The following CNTNAP5 variants were observed in gnomAD, a reference collection of about 807,000 sequenced individuals.
The protein encoded by CNTNAP5 is contactin-associated protein-like 5.
Under a neutral mutation model 150.2 loss-of-function variants are expected in CNTNAP5, and 72 were observed. That is an observed-to-expected ratio of 0.48 (90% CI 0.40 to 0.58). CNTNAP5 has a LOEUF of 0.58. Among genes scored for constraint, CNTNAP5 ranks in the 20% least tolerant of loss-of-function variants. The pLI, the probability that CNTNAP5 is intolerant of heterozygous loss-of-function variation, is 0.00. For missense variants in CNTNAP5, 1,636 were observed against 1,626.2 expected (o/e 1.01, Z -0.10); for synonymous variants, 672 against 619.8 (o/e 1.08, Z -1.25).
chr2:124,394,733 T>C (rs1286996326), intron 3 of CNTNAP5, among the ~76,000 whole-genome samples: 2 of 152,116 alleles, frequency 1.3e-5, no homozygotes, highest in Non-Finnish European at 2.9e-5. Context: ...AGAGGTAGAG[T>C]AGCTTGCCCA....
intron 12 of CNTNAP5, among the ~76,000 whole-genome samples, chr2:124,621,334 T>C (rs569013597): frequency 1.3e-5 from 2 of 152,320 alleles, no homozygotes; most frequent in South Asian, 4.1e-4. Context: ...CATCAGGCAT[T>C]ACAAGGAATT....
intron 18 of CNTNAP5, 122 bp downstream of exon 18, chr2:124,790,263 A>G: frequency 9.3e-7 from 1 of 1,072,236 alleles, no homozygotes; most frequent in Non-Finnish European, 1.3e-6. Flanking sequence ...CTGTTTAGAG[A>G]GTCTGCATAG....
intron 4 of CNTNAP5, among the ~76,000 whole-genome samples, chr2:124,433,647 C>T (rs994418389): frequency 1.3e-5 from 2 of 151,532 alleles, no homozygotes; most frequent in Non-Finnish European, 2.9e-5. Context: ...AACAGTCTTA[C>T]ATGTTTTTCT....
intron 1 of CNTNAP5, among the ~76,000 whole-genome samples, chr2:124,149,501 T>G (rs1684352232): frequency 6.6e-6 from 1 of 151,730 alleles, no homozygotes; most frequent in Non-Finnish European, 1.5e-5. Context: ...GCTTTACAGT[T>G]GCATTATCTG....
Position 124,772,964 on chromosome 2 carries a change from A to G in CNTNAP5, c.2699A>G (p.Glu900Gly), listed in dbSNP as rs1681237719. Residue 900 changes from glutamate to glycine, a missense_variant, in exon 17 of 24, where the codon GAG becomes GGG. Glu to Gly is a moderately conservative substitution (Grantham distance 98). Coordinates refer to ENST00000682447, the MANE Select transcript of CNTNAP5 (RefSeq NM_001367498.1). ...QVDNLPRSTR[E>G]TSEEGHFRLQ... ...GACAACCTTCCAAGGAGCACCAGGG[A>G]GACGTCGGAGGAGGGCCATTTTCGA... 1 of 1,613,522 alleles carries G rather than the reference A, an allele frequency of 6.2e-7. No individual in the cohort carries two copies. Among genetic ancestry groups the G allele is most frequent in the African/African-American group, 1.3e-5 (1 of 74,894 alleles).
chr2:124,379,254 T>C (rs1425532099), intron 3 of CNTNAP5, among the ~76,000 whole-genome samples: 1 of 152,080 alleles, frequency 6.6e-6, no homozygotes, highest in Admixed American at 6.6e-5. Flanking sequence ...TGGACACATG[T>C]ATAATGGCAT....
At chr2:124,660,050 G>A (rs1397444779) in intron 13 of CNTNAP5, among the ~76,000 whole-genome samples, 1 of 132,640 alleles carries the variant, frequency 7.5e-6, no homozygotes, top group South Asian at 2.4e-4. Context: ...AAGAAAGGAA[G>A]GAAGGAAGGA....
chr2:124,273,211 C>T (rs563689815), intron 3 of CNTNAP5, among the ~76,000 whole-genome samples: 1 of 152,164 alleles, frequency 6.6e-6, no homozygotes, highest in Non-Finnish European at 1.5e-5. Context: ...TGCTAGAATG[C>T]TACCAGACTT....
Position 124,526,095 on chromosome 2 carries a change from C to T in CNTNAP5, c.1478-1190C>T, listed in dbSNP as rs530421945. Among the ~76,000 whole-genome samples the T allele has an allele frequency of 9.8e-5, 15 of 152,290 alleles. No homozygotes were observed. In the South Asian group the frequency reaches 3.1e-3, roughly 32 times the overall value. On this transcript the variant is annotated intron_variant, in intron 9 of 23. Transcript: ENST00000682447. ...TTGAGGGAAATGTTTGTAAATAATT[C>T]TGATACAATAAGCATCCAACATGCC...
chr2:124,093,302 T>G (rs910602606), intron 1 of CNTNAP5, among the ~76,000 whole-genome samples: 7 of 152,216 alleles, frequency 4.6e-5, no homozygotes, highest in African/African-American at 1.7e-4. Context: ...TAAGAATAGC[T>G]ACCTGAGAGC....
In CNTNAP5 at chr2:124,025,341, GC is replaced by G. The variant is rs1190124611; in HGVS notation, c.-308del. 3.0e-6 allele frequency: 1 copy of G among 331,552 alleles called. No homozygotes were observed. Among genetic ancestry groups the G allele is most frequent in the Non-Finnish European group, 5.8e-6 (1 of 173,162 alleles). The allele number at this position is 331,552 out of a possible 1,614,324, so 20.5% of individuals were successfully genotyped here. A position where few individuals can be genotyped will look rare whatever the true frequency, so the allele number is the denominator to read the frequency against. On this transcript the variant is annotated 5_prime_UTR_variant, in exon 1 of 24. Transcript: ENST00000682447. ...ATTTGGCTGTCCACCGAGCTCCGGC[GC>G]CTGTCGTTCTAATTGGGTTTGGATT...
chr2:124,733,502 A>C (rs1271964328), intron 13 of CNTNAP5, among the ~76,000 whole-genome samples: 1 of 152,150 alleles, frequency 6.6e-6, no homozygotes, highest in African/African-American at 2.4e-5. Context: ...TTCCTGCAGG[A>C]AAGAATTATG....
chr2:124,148,170 T>A (rs370983716), intron 1 of CNTNAP5, among the ~76,000 whole-genome samples: 1 of 151,916 alleles, frequency 6.6e-6, no homozygotes, highest in East Asian at 1.9e-4. Context: ...ACATAATTTC[T>A]AAAATTTACA....
chr2:124,551,783 T>C (rs1695632790), intron 10 of CNTNAP5, among the ~76,000 whole-genome samples: 1 of 152,232 alleles, frequency 6.6e-6, no homozygotes, highest in African/African-American at 2.4e-5. Flanking sequence ...TGGTGTCCTA[T>C]TCATTTCAGT....
intron 13 of CNTNAP5, among the ~76,000 whole-genome samples, chr2:124,689,999 A>T (rs961586670): frequency 6.6e-6 from 1 of 151,304 alleles, no homozygotes; most frequent in South Asian, 2.1e-4. Context: ...CTGTTTTACA[A>T]CTCTTTCATC....
At chr2:124,140,121 C>T (rs1406328309) in intron 1 of CNTNAP5, among the ~76,000 whole-genome samples, 2 of 151,750 alleles carry the variant, frequency 1.3e-5, no homozygotes, top group East Asian at 4.0e-4. Context: ...TATCCCACAC[C>T]TGGCTCAGAG....
At chr2:124,531,613 C>G (rs1394507008) in intron 10 of CNTNAP5, among the ~76,000 whole-genome samples, 4 of 152,206 alleles carry the variant, frequency 2.6e-5, no homozygotes, top group African/African-American at 9.6e-5. Flanking sequence ...ATATCCCCAC[C>G]TTCTAAAAGG....
chr2:124,815,084 T>C (rs1682332540), intron 19 of CNTNAP5, among the ~76,000 whole-genome samples: 1 of 152,192 alleles, frequency 6.6e-6, no homozygotes, highest in Admixed American at 6.5e-5. Flanking sequence ...AATTCCCCTC[T>C]GACGTTCCTG....
intron 12 of CNTNAP5, among the ~76,000 whole-genome samples, chr2:124,631,971 A>C (rs1232137672): frequency 6.6e-6 from 1 of 152,192 alleles, no homozygotes; most frequent in African/African-American, 2.4e-5. Flanking sequence ...AAAGCTCAAC[A>C]TCACTGATCA....
Sources: allele counts gnomAD v4.1 joint callset (sites outside exome capture counted in the v4.1 genomes callset), GRCh38; gene constraint gnomAD v4.1.1; transcripts MANE v1.5; gene names NCBI Gene and HGNC (gene_info 2026-07-23, HGNC 2026-07-21).